MPPED1: variants seen among roughly 807,000 people sequenced by gnomAD.
The protein encoded by MPPED1 is metallophosphoesterase domain-containing protein 1.
In MPPED1, 16 loss-of-function variants were observed where a neutral mutation model predicts 36.2. The ratio of observed to expected loss-of-function variants is 0.44; its 90% confidence interval spans 0.30 to 0.67. MPPED1 has a LOEUF of 0.67. MPPED1 is among the 30% of genes least tolerant of loss of function. MPPED1 has a pLI of 0.10. For synonymous variants in MPPED1, 199 were observed against 191.3 expected (o/e 1.04, Z -0.33); for missense variants, 307 against 453.4 (o/e 0.68, Z 2.93).
chr22:43,462,569 A>T (rs1930991544), intron 3 of MPPED1, among the ~76,000 whole-genome samples: 1 of 152,188 alleles, frequency 6.6e-6, no homozygotes, highest in South Asian at 2.1e-4. Context: ...AATATTCATT[A>T]TGTGACATTA....
intron 5 of MPPED1, among the ~76,000 whole-genome samples, chr22:43,500,314 AGGTGGTGAT>A (rs1932671073): frequency 3.6e-4 from 5 of 13,764 alleles, no homozygotes; most frequent in African/African-American, 6.9e-4. Context: ...ATGGTGATGG[AGGTGGTGAT>A]GGTGGTGGTG....
At chr22:43,431,761 G>A (rs775778328) in intron 2 of MPPED1, among the ~76,000 whole-genome samples, 1 of 152,238 alleles carries the variant, frequency 6.6e-6, no homozygotes, top group Non-Finnish European at 1.5e-5. Flanking sequence ...CTCTTGATGC[G>A]TGGGGATCAT....
chr22:43,424,898 G>A lies in MPPED1; in HGVS notation c.-78-10G>A, dbSNP rs1233089715. 19 of 1,525,442 alleles carry A rather than the reference G, an allele frequency of 1.2e-5. No homozygotes were observed. Among genetic ancestry groups the A allele is most frequent in the African/African-American group, 1.4e-5 (1 of 72,554 alleles). The allele number at this position is 1,525,442 out of a possible 1,614,324, so 94.5% of individuals were successfully genotyped here. ...ATTAACTGTCGCACGGTTCTGCTCC[G>A]TCTCCTCAGTCTGTTTCCAGGTCTG... On this transcript the variant is annotated splice_polypyrimidine_tract_variant and intron_variant, in intron 1 of 6. Coordinates refer to ENST00000443721, the MANE Select transcript of MPPED1 (RefSeq NM_001044370.2).
chr22:43,436,780 C>T (rs1929976621), intron 3 of MPPED1, among the ~76,000 whole-genome samples: 1 of 152,264 alleles, frequency 6.6e-6, no homozygotes, highest in African/African-American at 2.4e-5. Flanking sequence ...CCGCTGTGTG[C>T]CAGGCACGGG....
chr22:43,426,860 T>G (rs1929494599), intron 2 of MPPED1, among the ~76,000 whole-genome samples: 1 of 152,164 alleles, frequency 6.6e-6, no homozygotes. Context: ...TGGTTTTCTG[T>G]TTTTGGAGCC....
At chr22:43,485,817 TC>T (rs1424812445) in intron 4 of MPPED1, among the ~76,000 whole-genome samples, 3 of 152,364 alleles carry the variant, frequency 2.0e-5, no homozygotes, top group Non-Finnish European at 4.4e-5. Context: ...AGGACCCTGT[TC>T]TTCGGTTCCA....
intron 4 of MPPED1, among the ~76,000 whole-genome samples, chr22:43,483,512 C>T (rs1931813611): frequency 6.6e-6 from 1 of 152,292 alleles, no homozygotes; most frequent in South Asian, 2.1e-4. Context: ...GGTGCCTCCT[C>T]CTGTCTCTGC....
At chr22:43,498,765 C>T (rs1181852430) in intron 5 of MPPED1, among the ~76,000 whole-genome samples, 1 of 151,984 alleles carries the variant, frequency 6.6e-6, no homozygotes, top group Non-Finnish European at 1.5e-5. Flanking sequence ...ATCCCCAGGG[C>T]CTGTAGACCA....
Position 43,416,644 on chromosome 22 carries a change from A to G in MPPED1, c.-79+4486A>G, listed in dbSNP as rs184961550. 10 of 152,278 alleles carry G rather than the reference A, an allele frequency of 6.6e-5. No homozygotes were observed. In the East Asian group the frequency reaches 1.3e-3, roughly 21 times the overall value. 9.4% of individuals were successfully genotyped at this position (152,278 alleles called of 1,614,324 possible). ...GGATATGTCTGTGTGCATGTTTGAA[A>G]CAGATCTGAACAGCTTCCCATTTCA... is the stretch of plus-strand genomic sequence containing the variant. On this transcript the variant is annotated intron_variant, in intron 1 of 6. Coordinates refer to ENST00000443721, the MANE Select transcript of MPPED1 (RefSeq NM_001044370.2).
At chr22:43,421,114 A>T (rs1929257582) in intron 1 of MPPED1, among the ~76,000 whole-genome samples, 1 of 152,206 alleles carries the variant, frequency 6.6e-6, no homozygotes, top group South Asian at 2.1e-4. Flanking sequence ...GCACCACTGC[A>T]TCGCTCGCGT....
chr22:43,485,995 C>G (rs761711486), intron 4 of MPPED1, among the ~76,000 whole-genome samples: 1 of 152,212 alleles, frequency 6.6e-6, no homozygotes, highest in Non-Finnish European at 1.5e-5. Flanking sequence ...TCTCCCCCAG[C>G]CTTTGCCTGG....
intron 3 of MPPED1, among the ~76,000 whole-genome samples, chr22:43,456,933 C>T (rs1449684076): frequency 6.6e-6 from 1 of 152,210 alleles, no homozygotes; most frequent in Non-Finnish European, 1.5e-5. Context: ...ACCAACCTTA[C>T]ATTCCTGAGT....
intron 4 of MPPED1, among the ~76,000 whole-genome samples, chr22:43,491,498 G>A (rs1742009220): frequency 6.6e-6 from 1 of 151,756 alleles, no homozygotes; most frequent in Non-Finnish European, 1.5e-5. Flanking sequence ...AGGTTGTAAT[G>A]ATGGAGGTGG....
At chr22:43,442,055 TG>T (rs1272592300) in intron 3 of MPPED1, among the ~76,000 whole-genome samples, 2 of 152,032 alleles carry the variant, frequency 1.3e-5, no homozygotes, top group Non-Finnish European at 2.9e-5. Flanking sequence ...ATTAGGATCA[TG>T]TGTGGGAAAC....
chr22:43,480,483 T>C (rs1257218111), intron 4 of MPPED1, among the ~76,000 whole-genome samples: 1 of 152,252 alleles, frequency 6.6e-6, no homozygotes, highest in Non-Finnish European at 1.5e-5. Flanking sequence ...CCCATGTTGA[T>C]TGGCCACTTA....
chr22:43,437,286 C>G (rs1422372105), intron 3 of MPPED1, among the ~76,000 whole-genome samples: 3 of 152,158 alleles, frequency 2.0e-5, no homozygotes, highest in African/African-American at 7.2e-5. Flanking sequence ...TTCTATGAAG[C>G]TCAGGTTTAC....
At chr22:43,464,439 T>G (rs1931091164) in intron 3 of MPPED1, among the ~76,000 whole-genome samples, 1 of 152,058 alleles carries the variant, frequency 6.6e-6, no homozygotes, top group Non-Finnish European at 1.5e-5. Flanking sequence ...TTCTCCCCAG[T>G]TTTTGCTTTC....
chr22:43,498,137 G>C lies in MPPED1; in HGVS notation c.633-98G>C, dbSNP rs1277854600. On this transcript the variant is annotated intron_variant, in intron 4 of 6. Transcript: ENST00000443721. ...CCCTGGGTCTCCAGGTAGCGAGCTGGTCCTGAGGGCCCCCTGGCCCGTGGG... is the reference window on the plus strand; with the variant it reads ...CCCTGGGTCTCCAGGTAGCGAGCTGCTCCTGAGGGCCCCCTGGCCCGTGGG... 7 of 904,704 alleles carry C rather than the reference G, an allele frequency of 7.7e-6. No homozygotes were observed. The African/African-American group carries it at 1.0e-4, about 13-fold the overall frequency. The allele number at this position is 904,704 out of a possible 1,614,324, so 56.0% of individuals were successfully genotyped here. A position where few individuals can be genotyped will look rare whatever the true frequency, so the allele number is the denominator to read the frequency against.
intron 3 of MPPED1, among the ~76,000 whole-genome samples, chr22:43,443,022 C>G (rs763795312): frequency 1.3e-5 from 2 of 152,062 alleles, no homozygotes; most frequent in Non-Finnish European, 2.9e-5. Flanking sequence ...ACAGGATTGT[C>G]CCTGCCTGGG....
Sources: allele counts gnomAD v4.1 joint callset (sites outside exome capture counted in the v4.1 genomes callset), GRCh38; gene constraint gnomAD v4.1.1; transcripts MANE v1.5; gene names NCBI Gene and HGNC (gene_info 2026-07-23, HGNC 2026-07-21).